The following LIN28B variants were observed in gnomAD, a reference collection of about 807,000 sequenced individuals.
The protein encoded by LIN28B is lin-28 RNA binding posttranscriptional regulator B, also known as protein lin-28 homolog B.
LIN28B carries 5 observed loss-of-function variants against 21.9 expected under a neutral mutation model. The observed-to-expected ratio is 0.23, with a 90% CI of 0.12 to 0.48. The LOEUF (loss-of-function observed/expected upper bound fraction) is 0.48. Ranked by LOEUF, LIN28B falls within the 20% of genes least tolerant of loss-of-function variation. The probability of loss-of-function intolerance (pLI) is 0.98; values close to 1 mark genes in which losing one functional copy is unlikely to be tolerated. For synonymous variants in LIN28B, 109 were observed against 111.3 expected, an observed-to-expected ratio of 0.98 and a Z score of 0.13; for missense variants, 245 against 310.5, an observed-to-expected ratio of 0.79 and a Z score of 1.58.
chr6:104,953,492 C>T (rs1212893861), upstream of LIN28B, among the ~76,000 whole-genome samples: 1 of 152,164 alleles, frequency 6.6e-6, no homozygotes, highest in Non-Finnish European at 1.5e-5. Context: ...GTAGTGAAGG[C>T]AGGGATTTCT....
At chr6:105,054,179 G>C (rs918712917) in intron 3 of LIN28B, among the ~76,000 whole-genome samples, 5 of 152,182 alleles carry the variant, frequency 3.3e-5, no homozygotes, top group African/African-American at 1.2e-4. Flanking sequence ...ATTGGGATTT[G>C]AGACCATTTG....
chr6:105,071,025 C>T (rs1294822893), intron 3 of LIN28B, among the ~76,000 whole-genome samples: 3 of 152,112 alleles, frequency 2.0e-5, no homozygotes, highest in African/African-American at 7.2e-5. Context: ...TATAGGCACG[C>T]ACTACCATGC....
At chr6:104,951,514 T>C (rs1307433846) in intron 3 of LIN28B, among the ~76,000 whole-genome samples, 1 of 152,092 alleles carries the variant, frequency 6.6e-6, no homozygotes, top group Non-Finnish European at 1.5e-5. Context: ...CTTATTATTG[T>C]TTTCATTTAT....
At chr6:104,963,449 AT>A (rs1214173748) in intron 2 of LIN28B, among the ~76,000 whole-genome samples, 6 of 152,180 alleles carry the variant, frequency 3.9e-5, no homozygotes, top group African/African-American at 1.4e-4. Context: ...TTTTTCATGT[AT>A]TTAAGTCCTA....
chr6:104,986,826 C>T (rs1409446928), intron 2 of LIN28B, among the ~76,000 whole-genome samples: 2 of 152,222 alleles, frequency 1.3e-5, no homozygotes, highest in Non-Finnish European at 2.9e-5. Context: ...AAATAATTTG[C>T]TGCAACTCTA....
Position 104,958,113 on chromosome 6 carries a change from G to T in LIN28B, c.25G>T (p.Gly9Cys). 6.3e-7 allele frequency: 1 copy of T among 1,592,740 alleles called. No homozygotes were observed. Among genetic ancestry groups the T allele is most frequent in the Non-Finnish European group, 8.6e-7 (1 of 1,165,064 alleles). Residue 9 changes from glycine to cysteine, a missense_variant, in exon 2 of 4, where the codon GGT becomes TGT. Physicochemically the swap from Gly to Cys is radical, Grantham distance 159 (BLOSUM62 -3). Transcript: ENST00000345080. MAEGGASK[G>C]GGEEPGKLPE... is the part of the protein sequence containing the mutation. ...TTCCTTCTCAGGCGGGGCTAGCAAA[G>T]GTGGTGGAGAAGAGCCCGGGAAGCT...
intron 3 of LIN28B, among the ~76,000 whole-genome samples, chr6:105,063,635 CGGGG>C (rs762449779): frequency 0.041 from 4,001 of 98,052 alleles, 291 homozygotes; most frequent in African/African-American, 0.13. Flanking sequence ...GACTCCATCT[CGGGG>C]GGGGGGGGGA....
intron 2 of LIN28B, among the ~76,000 whole-genome samples, chr6:105,017,553 A>G (rs1368353990): frequency 1.3e-5 from 2 of 152,206 alleles, no homozygotes; most frequent in Non-Finnish European, 2.9e-5. Context: ...TATTATCCCT[A>G]GTTTACAGAC....
chr6:105,046,003 A>G (rs1771752233), intron 3 of LIN28B, among the ~76,000 whole-genome samples: 1 of 152,024 alleles, frequency 6.6e-6, no homozygotes, highest in African/African-American at 2.4e-5. Context: ...ATACTAAATG[A>G]TTTTACAATT....
chr6:104,993,152 GTTTATA>G (rs1479704411), intron 2 of LIN28B, among the ~76,000 whole-genome samples: 1 of 151,982 alleles, frequency 6.6e-6, no homozygotes, highest in African/African-American at 2.4e-5. Context: ...GAAGTTATGT[GTTTATA>G]TTAATATTAT....
In LIN28B at chr6:105,067,948, A is replaced by G. The variant is rs146701107; in HGVS notation, c.384-10466A>G. On this transcript the variant is annotated intron_variant, in intron 3 of 3. Transcript: ENST00000345080. ...TAAAACTGCTACATGTTTCATCCCCATTTCTCAGTGATCTGCACCACCATT... is the reference window on the plus strand; with the variant it reads ...TAAAACTGCTACATGTTTCATCCCCGTTTCTCAGTGATCTGCACCACCATT... Among the ~76,000 whole-genome samples, 117 of 151,808 alleles carry G rather than the reference A, an allele frequency of 7.7e-4. 1 individual carries two copies. The highest frequency in any genetic ancestry group is 2.7e-3 in the African/African-American group (113 of 41,404).
In LIN28B at chr6:105,080,220, G is replaced by T. The variant is rs1001785963; in HGVS notation, c.*1437G>T. The T allele has an allele frequency of 4.6e-5, 7 of 152,506 alleles. No homozygotes were observed. The highest frequency in any genetic ancestry group is 4.4e-5 in the Non-Finnish European group (3 of 68,020). The allele number at this position is 152,506 out of a possible 1,614,324, so 9.4% of individuals were successfully genotyped here. On this transcript the variant is annotated 3_prime_UTR_variant, in exon 4 of 4. Transcript: ENST00000345080. ...CGGTCATGGAAAAAAAAATTATTTTGGGGTCATCCTGGCTCTAGATGTTAT... is the reference window on the plus strand; with the variant it reads ...CGGTCATGGAAAAAAAAATTATTTTTGGGTCATCCTGGCTCTAGATGTTAT...
intron 2 of LIN28B, among the ~76,000 whole-genome samples, chr6:104,991,634 C>G (rs1770482120): frequency 6.6e-6 from 1 of 152,192 alleles, no homozygotes; most frequent in African/African-American, 2.4e-5. Flanking sequence ...AGGCTGCAAT[C>G]TCGGCACTTT....
At chr6:104,968,600 T>C (rs1341718502) in intron 2 of LIN28B, among the ~76,000 whole-genome samples, 2 of 152,216 alleles carry the variant, frequency 1.3e-5, no homozygotes, top group Non-Finnish European at 2.9e-5. Context: ...ACTCTTAAGA[T>C]TGCTATTTCG....
intron 3 of LIN28B, among the ~76,000 whole-genome samples, chr6:105,043,516 A>G: frequency 6.6e-6 from 1 of 151,620 alleles, no homozygotes; most frequent in African/African-American, 2.4e-5. Context: ...TTTTATTTTT[A>G]TAAACTTAAT....
At chr6:104,990,582 T>TA (rs1362170162) in intron 2 of LIN28B, among the ~76,000 whole-genome samples, 1 of 136,102 alleles carries the variant, frequency 7.3e-6, no homozygotes, top group African/African-American at 2.6e-5. Flanking sequence ...TTTTTTTTTT[T>TA]ATTGATCATT....
chr6:105,019,463 A>G (rs1771092969), intron 2 of LIN28B, among the ~76,000 whole-genome samples: 1 of 152,142 alleles, frequency 6.6e-6, no homozygotes, highest in Non-Finnish European at 1.5e-5. Flanking sequence ...GAAGGGCCTC[A>G]TATTATTTGC....
chr6:105,067,087 C>T (rs937169798), intron 3 of LIN28B, among the ~76,000 whole-genome samples: 6 of 152,130 alleles, frequency 3.9e-5, no homozygotes, highest in Non-Finnish European at 5.9e-5. Flanking sequence ...TTTAAGTTTT[C>T]GGCAAGGCTG....
At chr6:105,005,921 T>G (rs185396606) in intron 2 of LIN28B, among the ~76,000 whole-genome samples, 4 of 152,342 alleles carry the variant, frequency 2.6e-5, no homozygotes, top group African/African-American at 7.2e-5. Flanking sequence ...TCAAGAGCTC[T>G]TTCTTGTTTT....
Sources: allele counts gnomAD v4.1 joint callset (sites outside exome capture counted in the v4.1 genomes callset), GRCh38; gene constraint gnomAD v4.1.1; transcripts MANE v1.5; gene names NCBI Gene and HGNC (gene_info 2026-07-23, HGNC 2026-07-21).